The following ARHGEF10 variants were observed in gnomAD, a reference collection of about 807,000 sequenced individuals.
The protein encoded by ARHGEF10 is Rho guanine nucleotide exchange factor 10.
ARHGEF10 carries 140 observed loss-of-function variants against 147.4 expected under a neutral mutation model. That is an observed-to-expected ratio of 0.95 (90% CI 0.83 to 1.09). The LOEUF (loss-of-function observed/expected upper bound fraction) is 1.09, where lower values mean the gene tolerates loss of function less well. ARHGEF10 is among the 50% of genes least tolerant of loss of function. The probability of loss-of-function intolerance (pLI) is 0.00; values close to 1 mark genes in which losing one functional copy is unlikely to be tolerated. For synonymous variants in ARHGEF10, 902 were observed against 695.8 expected (o/e 1.30, Z -4.67); for missense variants, 2,222 against 1,752.7 (o/e 1.27, Z -4.78).
At chr8:1,903,579 C>T (rs181620705) in intron 16 of ARHGEF10, 128 bp downstream of exon 16, 694 of 1,265,756 alleles carry the variant, frequency 5.5e-4, no homozygotes, top group Non-Finnish European at 6.9e-4. Context: ...AGTTCTTAAC[C>T]GGGGTGGATG....
At chr8:1,871,361 A>T (rs1057167029) in intron 7 of ARHGEF10, among the ~76,000 whole-genome samples, 7 of 152,146 alleles carry the variant, frequency 4.6e-5, no homozygotes, top group Non-Finnish European at 8.8e-5. Flanking sequence ...GTAAAAAAAA[A>T]TCAATACAAA....
chr8:1,861,000 TGGG>T (rs1182728248), intron 4 of ARHGEF10, among the ~76,000 whole-genome samples: 4 of 152,304 alleles, frequency 2.6e-5, no homozygotes, highest in African/African-American at 7.2e-5. Context: ...CAGAGCCACC[TGGG>T]GCAGCACAAA....
At chr8:1,899,865 G>A (rs1331436728) in intron 15 of ARHGEF10, among the ~76,000 whole-genome samples, 1 of 152,226 alleles carries the variant, frequency 6.6e-6, no homozygotes, top group African/African-American at 2.4e-5. Flanking sequence ...GGGAGGAAGG[G>A]GGTCAGGCCG....
chr8:1,935,140 G>A (rs1467985925), intron 26 of ARHGEF10, among the ~76,000 whole-genome samples: 1 of 152,150 alleles, frequency 6.6e-6, no homozygotes, highest in East Asian at 1.9e-4. Context: ...TTTTAGAGCA[G>A]TTTTAGGTTC....
chr8:1,864,912 T>A (rs544658087), intron 5 of ARHGEF10, among the ~76,000 whole-genome samples: 1 of 152,326 alleles, frequency 6.6e-6, no homozygotes, highest in South Asian at 2.1e-4. Flanking sequence ...TTATGTAAAA[T>A]TAAAAATTAG....
intron 11 of ARHGEF10, among the ~76,000 whole-genome samples, chr8:1,892,566 C>T (rs772489213): frequency 1.7e-4 from 26 of 151,964 alleles, no homozygotes; most frequent in Non-Finnish European, 3.5e-4. Context: ...TAGGTGGCAA[C>T]GCAGTCCCTT....
chr8:1,939,115 C>T (rs187880748), intron 26 of ARHGEF10, among the ~76,000 whole-genome samples: 10 of 152,324 alleles, frequency 6.6e-5, no homozygotes, highest in Admixed American at 1.3e-4. Flanking sequence ...TCCCAGTCCC[C>T]GGAGACTCCT....
intron 18 of ARHGEF10, among the ~76,000 whole-genome samples, chr8:1,917,106 G>A (rs1585527268): frequency 1.3e-5 from 2 of 152,342 alleles, no homozygotes; most frequent in Middle Eastern, 3.4e-3. Flanking sequence ...GAACAGTGAC[G>A]TGGAGACATC....
chr8:1,878,059 C>G (rs1807856843), intron 8 of ARHGEF10, among the ~76,000 whole-genome samples: 1 of 152,148 alleles, frequency 6.6e-6, no homozygotes, highest in African/African-American at 2.4e-5. Context: ...CAAGGAGAAT[C>G]TACTAGATCT....
chr8:1,864,498 T>C, intron 5 of ARHGEF10, 62 bp downstream of exon 5: 1 of 1,538,592 alleles, frequency 6.5e-7, no homozygotes. Context: ...GAGCTGGACG[T>C]GGGGATCCTG....
At chr8:1,888,801 G>A (rs1459091743) in intron 11 of ARHGEF10, among the ~76,000 whole-genome samples, 4 of 83,644 alleles carry the variant, frequency 4.8e-5, no homozygotes, top group African/African-American at 2.6e-4. Flanking sequence ...ATTGTGAGGA[G>A]ACACTGAGTG....
chr8:1,859,308 G>A lies in ARHGEF10; in HGVS notation c.194-589G>A, dbSNP rs867321457. Among the ~76,000 whole-genome samples the A allele has an allele frequency of 4.4e-5, 6 of 134,872 alleles. 1 individual carries two copies. Among genetic ancestry groups the A allele is most frequent in the South Asian group, 2.6e-4 (1 of 3,890 alleles). 88.5% of individuals were successfully genotyped at this position (134,872 alleles called of 152,430 possible). A position where few individuals can be genotyped will look rare whatever the true frequency, so the allele number is the denominator to read the frequency against. ...TGGTGTTTCTTTGTGTGCAGCACGC[G>A]CCTCTCTGCTTACACGGTGTTTCTT... On this transcript the variant is annotated intron_variant, in intron 3 of 28. Transcript: ENST00000349830.
intron 1 of ARHGEF10, among the ~76,000 whole-genome samples, chr8:1,833,923 C>T (rs1378230340): frequency 3.3e-5 from 5 of 152,180 alleles, no homozygotes; most frequent in African/African-American, 9.7e-5. Flanking sequence ...GGAGCCGTGT[C>T]GGGGCTGCTG....
chr8:1,858,112 A>C lies in ARHGEF10; in HGVS notation c.190A>C (p.Thr64Pro). The change falls in exon 3 of 29, where the codon ACA (threonine) becomes CCA (proline). Residue 64 changes from threonine to proline, a missense_variant. Thr to Pro is a conservative substitution (Grantham distance 38). Transcript: ENST00000349830. ...GAGASEAPAPTGGEDGAGAET... is the reference protein window; with the variant it reads ...GAGASEAPAPPGGEDGAGAET... ...TGGAGCCAGTGAAGCCCCTGCACCC[A>C]CAGGTGAGTTTCCAGGAGGGTCCCC... 1 of 1,505,852 alleles carries C rather than the reference A, an allele frequency of 6.6e-7. No homozygotes were observed. The highest frequency in any genetic ancestry group is 8.9e-7 in the Non-Finnish European group (1 of 1,122,640). 93.3% of individuals were successfully genotyped at this position (1,505,852 alleles called of 1,614,324 possible).
rs553747457 is a variant in ARHGEF10 at position 1,844,375 on chromosome 8, G to T, written c.37+939G>T. 1.2e-4 allele frequency among the ~76,000 whole-genome samples: 19 copies of T among 152,220 alleles called. No homozygotes were observed. The South Asian group carries it at 3.1e-3, about 25-fold the overall frequency. ...TAGATGACAAAGACAGGAGAATCCA[G>T]GGGTCACCGGGGCCTGGTAGATGAC... On this transcript the variant is annotated intron_variant, in intron 2 of 28. Transcript: ENST00000349830.
chr8:1,845,462 A>G (rs1804484069), intron 2 of ARHGEF10, among the ~76,000 whole-genome samples: 1 of 152,214 alleles, frequency 6.6e-6, no homozygotes, highest in African/African-American at 2.4e-5. Context: ...GTGCCTTGAC[A>G]TGCTGAGGAG....
In ARHGEF10 at chr8:1,884,080, T is replaced by C. The variant is rs560953464; in HGVS notation, c.1075+1331T>C. On this transcript the variant is annotated intron_variant, in intron 10 of 28. Transcript: ENST00000349830. ...GGGGTACTCTTTTGCGGGTCAGTTG[T>C]AGAGATGCGGCAGTTTAATAGGCAA... Among the ~76,000 whole-genome samples the C allele has an allele frequency of 9.9e-5, 15 of 152,222 alleles. 1 individual carries two copies. In the South Asian group the frequency reaches 2.9e-3, roughly 30 times the overall value.
intron 27 of ARHGEF10, among the ~76,000 whole-genome samples, chr8:1,951,077 G>A (rs1033032931): frequency 2.0e-5 from 3 of 152,168 alleles, no homozygotes; most frequent in Non-Finnish European, 4.4e-5. Flanking sequence ...GGGAGGCCGG[G>A]TTCAGGTTTG....
Position 1,871,757 on chromosome 8 carries a change from C to T in ARHGEF10, c.679+2507C>T, listed in dbSNP as rs373455098. Among the ~76,000 whole-genome samples the T allele has an allele frequency of 7.9e-5, 12 of 152,220 alleles. No homozygotes were observed. The South Asian group carries it at 1.2e-3, about 16-fold the overall frequency. On this transcript the variant is annotated intron_variant, in intron 7 of 28. Coordinates refer to ENST00000349830, the MANE Select transcript of ARHGEF10 (RefSeq NM_014629.4). Reference sequence around the variant, plus strand: ...ACTTGAACCCGGGAGGTGGAGGTTGCGGTGAGCCGAGGTTGCACCACTACA... The same window carrying T: ...ACTTGAACCCGGGAGGTGGAGGTTGTGGTGAGCCGAGGTTGCACCACTACA...
Sources: allele counts gnomAD v4.1 joint callset (sites outside exome capture counted in the v4.1 genomes callset), GRCh38; gene constraint gnomAD v4.1.1; transcripts MANE v1.5; gene names NCBI Gene and HGNC (gene_info 2026-07-23, HGNC 2026-07-21).